Variants in ERC2 observed in about 807,000 individuals in gnomAD.
The protein encoded by ERC2 is ERC protein 2.
A neutral mutation model predicts 114.8 loss-of-function variants in ERC2; 42 were observed. That is an observed-to-expected ratio of 0.37 (90% confidence interval 0.29 to 0.47). ERC2 has a LOEUF of 0.47. ERC2 is among the 20% of genes least tolerant of loss of function. The pLI is 0.99. For synonymous variants in ERC2, 454 were observed against 425.5 expected, an observed-to-expected ratio of 1.07 and a Z score of -0.82; for missense variants, 939 against 1,150.7, an observed-to-expected ratio of 0.82 and a Z score of 2.66.
intron 6 of ERC2, among the ~76,000 whole-genome samples, chr3:56,128,141 C>CA (rs2079993330): frequency 6.6e-6 from 1 of 152,132 alleles, no homozygotes; most frequent in Admixed American, 6.5e-5. Flanking sequence ...AGCACCAACA[C>CA]AAGCTCTCCT....
chr3:56,372,201 C>T (rs985107079), intron 2 of ERC2, among the ~76,000 whole-genome samples: 1 of 152,216 alleles, frequency 6.6e-6, no homozygotes, highest in African/African-American at 2.4e-5. Context: ...TATATTCTCA[C>T]ATTCCCACTG....
intron 2 of ERC2, among the ~76,000 whole-genome samples, chr3:56,380,685 T>C (rs1283259111): frequency 6.6e-6 from 1 of 152,198 alleles, no homozygotes; most frequent in Non-Finnish European, 1.5e-5. Flanking sequence ...TATGTTTTTA[T>C]AAGAAAATTA....
chr3:56,131,858 A>C (rs777608601), intron 6 of ERC2, among the ~76,000 whole-genome samples: 11 of 152,216 alleles, frequency 7.2e-5, no homozygotes, highest in Non-Finnish European at 1.3e-4. Context: ...CCAACACAAA[A>C]AAATGATAAA....
chr3:55,733,207 T>C (rs953036366), intron 15 of ERC2, among the ~76,000 whole-genome samples: 2 of 152,056 alleles, frequency 1.3e-5, no homozygotes, highest in Non-Finnish European at 2.9e-5. Flanking sequence ...CATTTTGACT[T>C]TCTGTGGCCA....
At chr3:56,425,560 CTTTTTTTTTTTTT>C (rs67210393) in intron 2 of ERC2, among the ~76,000 whole-genome samples, 4 of 123,992 alleles carry the variant, frequency 3.2e-5, no homozygotes, top group East Asian at 2.5e-4. Flanking sequence ...GACCCTTTTT[CTTTTTTTTTTTTT>C]TTTTTTTGGC....
intron 15 of ERC2, among the ~76,000 whole-genome samples, chr3:55,714,771 T>G (rs1389545693): frequency 2.0e-5 from 3 of 148,406 alleles, no homozygotes; most frequent in Non-Finnish European, 4.5e-5. Context: ...GTATTTGGAT[T>G]TTAGGGAATT....
chr3:55,964,789 C>T (rs1222859390), intron 12 of ERC2, among the ~76,000 whole-genome samples: 1 of 152,166 alleles, frequency 6.6e-6, no homozygotes, highest in African/African-American at 2.4e-5. Flanking sequence ...TAATGTGCTT[C>T]CAAGCTCATT....
At position 56,435,142 on chromosome 3, in the gene ERC2, A is replaced by C; in HGVS notation, c.-135T>G. 3 of 626,406 alleles carry C rather than the reference A, an allele frequency of 4.8e-6. No individual in the cohort carries two copies. Among genetic ancestry groups the C allele is most frequent in the Non-Finnish European group, 8.1e-6 (3 of 371,944 alleles). 38.8% of individuals were successfully genotyped at this position (626,406 alleles called of 1,614,324 possible). A position where few individuals can be genotyped will look rare whatever the true frequency, so the allele number is the denominator to read the frequency against. On this transcript the variant is annotated 5_prime_UTR_variant, in exon 2 of 18. Coordinates refer to ENST00000288221, the MANE Select transcript of ERC2 (RefSeq NM_015576.3). ...TCCGTACCAGAAAATAACTCCACTC[A>C]GAGATCTACAAAGTGAAAAAAAGAA...
chr3:56,096,913 G>A (rs1196228365), intron 6 of ERC2, among the ~76,000 whole-genome samples: 1 of 152,190 alleles, frequency 6.6e-6, no homozygotes, highest in Non-Finnish European at 1.5e-5. Context: ...ATGAAAACAT[G>A]TATCCTATCC....
At position 56,247,088 on chromosome 3, in the gene ERC2, A is replaced by G. The variant is rs565959673; in HGVS notation, c.1074+48931T>C. ...TGCAGAGAACTAAAAACTGGTGTGG[A>G]CACTTTAAAAAGTAAGAGATGAGAT... On this transcript the variant is annotated intron_variant, in intron 3 of 17. Transcript: ENST00000288221. Among the ~76,000 whole-genome samples the G allele has an allele frequency of 3.3e-5, 5 of 152,362 alleles. No individual in the cohort carries two copies. The East Asian group carries it at 5.8e-4, about 18-fold the overall frequency.
chr3:55,820,130 G>C (rs931768874), intron 14 of ERC2, among the ~76,000 whole-genome samples: 8 of 152,124 alleles, frequency 5.3e-5, no homozygotes, highest in African/African-American at 1.9e-4. Context: ...TAAGTGTCAG[G>C]TGTCCACGTG....
chr3:56,462,492 C>T (rs562357106), intron 1 of ERC2, among the ~76,000 whole-genome samples: 82 of 152,150 alleles, frequency 5.4e-4, no homozygotes, highest in Non-Finnish European at 5.3e-4. Flanking sequence ...ACTCACTAGC[C>T]CATGAAATCA....
At chr3:55,770,614 A>C (rs1430488216) in intron 14 of ERC2, among the ~76,000 whole-genome samples, 2 of 152,080 alleles carry the variant, frequency 1.3e-5, no homozygotes, top group Non-Finnish European at 2.9e-5. Flanking sequence ...GTTGGTTTTT[A>C]ATTTTTTAAT....
chr3:55,808,473 A>C (rs2059574179), intron 14 of ERC2, among the ~76,000 whole-genome samples: 1 of 151,868 alleles, frequency 6.6e-6, no homozygotes, highest in Admixed American at 6.6e-5. Flanking sequence ...ACAGAAAGTA[A>C]TCATTGCCAA....
chr3:56,447,911 T>G (rs1420981442), intron 1 of ERC2, among the ~76,000 whole-genome samples: 1 of 151,896 alleles, frequency 6.6e-6, no homozygotes, highest in Non-Finnish European at 1.5e-5. Flanking sequence ...CCCAGGGAAT[T>G]TTTGTATTTT....
intron 2 of ERC2, among the ~76,000 whole-genome samples, chr3:56,315,858 C>G (rs2056838545): frequency 6.6e-6 from 1 of 151,818 alleles, no homozygotes; most frequent in Non-Finnish European, 1.5e-5. Flanking sequence ...AGTTTCCCAA[C>G]AGGAAAGTAT....
At chr3:55,979,958 CTTTTTTTTTT>C (rs57387241) in intron 12 of ERC2, among the ~76,000 whole-genome samples, 2 of 129,152 alleles carry the variant, frequency 1.5e-5, no homozygotes, top group East Asian at 2.3e-4. Context: ...CTTTTTTTTT[CTTTTTTTTTT>C]TTTTTTAAGG....
At chr3:56,298,416 C>G (rs142374129) in intron 2 of ERC2, among the ~76,000 whole-genome samples, 143 of 152,110 alleles carry the variant, frequency 9.4e-4, no homozygotes, top group African/African-American at 2.9e-3. Context: ...GACTCAGACA[C>G]AAATATTCAT....
rs2061749037 is a variant in ERC2, at chr3:56,430,559, G to A, written c.657+3792C>T. 3.3e-5 allele frequency among the ~76,000 whole-genome samples: 5 copies of A among 152,282 alleles called. No individual in the cohort carries two copies. In the South Asian group the frequency reaches 1.0e-3, roughly 32 times the overall value. On this transcript the variant is annotated intron_variant, in intron 2 of 17. Coordinates refer to ENST00000288221, the MANE Select transcript of ERC2 (RefSeq NM_015576.3). ...ACACTGCACTTTGGGAGGCTGAGGT[G>A]GGAGGATCACTTGAGCCTAGGAGTT...
Sources: allele counts gnomAD v4.1 joint callset (sites outside exome capture counted in the v4.1 genomes callset), GRCh38; gene constraint gnomAD v4.1.1; transcripts MANE v1.5; gene names NCBI Gene and HGNC (gene_info 2026-07-23, HGNC 2026-07-21).